SETD9: variants seen among roughly 807,000 people sequenced by gnomAD.
The protein encoded by SETD9 is SET domain-containing protein 9.
A neutral mutation model predicts 36.4 loss-of-function variants in SETD9; 37 were observed. That is an observed-to-expected ratio of 1.02 (90% confidence interval 0.78 to 1.34). The LOEUF (loss-of-function observed/expected upper bound fraction) is 1.34, where lower values mean the gene tolerates loss of function less well. Among genes scored for constraint, SETD9 ranks in the 40% most tolerant of loss-of-function variants. SETD9 has a pLI of 0.00. For missense variants in SETD9, 323 were observed against 353.2 expected (o/e 0.91, Z 0.69); for synonymous variants, 128 against 132.9 (o/e 0.96, Z 0.26).
rs1748996828 is a variant in SETD9, at chr5:56,909,726, C to CCACAA, written c.82_83insACAAC (p.Leu28HisfsTer3). 6.2e-7 allele frequency: 1 copy of CCACAA among 1,610,898 alleles called. No individual in the cohort carries two copies. The highest frequency in any genetic ancestry group is 1.7e-5 in the Admixed American group (1 of 59,906). ...GCTTCGTTCCCTGGATCGCACTGAACCTAAGCCACAACCCGAGGTGAGAGG... is the reference window on the plus strand; with the variant it reads ...GCTTCGTTCCCTGGATCGCACTGAACCACAACTAAGCCACAACCCGAGGTGAGAGG... On this transcript the variant is annotated frameshift_variant, in exon 1 of 6. Coordinates refer to ENST00000285947, the MANE Select transcript of SETD9 (RefSeq NM_153706.4). LOFTEE classifies it high-confidence loss of function.
chr5:56,916,653 T>TG lies in SETD9; in HGVS notation c.813-161dup, dbSNP rs1348846241. 2.6e-5 allele frequency among the ~76,000 whole-genome samples: 4 copies of TG among 152,302 alleles called. No homozygotes were observed. The East Asian group carries it at 5.8e-4, about 22-fold the overall frequency. ...ATATAGATATACTCTTTAGAATACC[T>TG]GCATCAGGAATAAGAACTATTTCCT... On this transcript the variant is annotated intron_variant, in intron 5 of 5. Coordinates refer to ENST00000285947, the MANE Select transcript of SETD9 (RefSeq NM_153706.4).
downstream of SETD9, among the ~76,000 whole-genome samples, chr5:56,918,437 C>CACCA (rs962202871): frequency 6.6e-6 from 1 of 152,104 alleles, no homozygotes; most frequent in African/African-American, 2.4e-5. Context: ...TAGCACTTAC[C>CACCA]ACCAGCAAGC....
downstream of SETD9, chr5:56,921,417 T>C (rs1749666889): frequency 6.6e-6 from 1 of 152,552 alleles, no homozygotes; most frequent in Non-Finnish European, 1.5e-5. Flanking sequence ...AGGAATGCTA[T>C]ACTTCAGATG....
downstream of SETD9, among the ~76,000 whole-genome samples, chr5:56,918,995 A>AAAT (rs537960977): frequency 5.9e-5 from 9 of 152,346 alleles, no homozygotes; most frequent in South Asian, 6.2e-4. Flanking sequence ...GTAGTCTGTC[A>AAAT]AATAATAATA....
chr5:56,916,634 A>G (rs1749441765), intron 5 of SETD9, among the ~76,000 whole-genome samples, 181 bp from the exon 6 acceptor site: 2 of 152,148 alleles, frequency 1.3e-5, no homozygotes, highest in African/African-American at 2.4e-5. Flanking sequence ...AATGATATAG[A>G]TATACTCTTT....
chr5:56,914,032 G>A (rs1285743986), intron 4 of SETD9, 43 bp downstream of exon 4: 2 of 1,393,358 alleles, frequency 1.4e-6, no homozygotes. Context: ...TATATCAATG[G>A]CTAATTCTAC....
intron 5 of SETD9, among the ~76,000 whole-genome samples, chr5:56,916,015 G>A (rs1749406595): frequency 1.3e-5 from 2 of 152,166 alleles, no homozygotes; most frequent in South Asian, 4.1e-4. Context: ...TTCTCTGCAT[G>A]TGTATGTTTG....
At chr5:56,916,122 G>T (rs1230509403) in intron 5 of SETD9, among the ~76,000 whole-genome samples, 1 of 152,106 alleles carries the variant, frequency 6.6e-6, no homozygotes, top group East Asian at 1.9e-4. Context: ...GGCTGGGTGC[G>T]GTGGCTCATG....
At chr5:56,918,602 G>T (rs927841055), downstream of SETD9, among the ~76,000 whole-genome samples, 1 of 152,076 alleles carries the variant, frequency 6.6e-6, no homozygotes, top group Non-Finnish European at 1.5e-5. Flanking sequence ...GCTGTATTCG[G>T]AATATGTGTG....
rs933651453 is a variant in SETD9, at chr5:56,914,954, A to G, written c.800A>G (p.Tyr267Cys). ...TATCTTCCAAACATTGCCTACAGCT[A>G]TGACAAACAAAGGTTCGTTTGCTAA... ...KQYLPNIAYS[Y>C]DKQSPLRCVV... Residue 267 changes from tyrosine to cysteine, a missense_variant, in exon 5 of 6, where the codon TAT (tyrosine) becomes TGT (cysteine). Transcript: ENST00000285947. 4.4e-6 allele frequency: 7 copies of G among 1,585,720 alleles called. No homozygotes were observed. The highest frequency in any genetic ancestry group is 1.3e-5 in the African/African-American group (1 of 74,616).
At chr5:56,912,233 C>T (rs1022396455) in intron 2 of SETD9, 3 of 985,066 alleles carry the variant, frequency 3.0e-6, no homozygotes, top group African/African-American at 1.7e-5. Context: ...GAATGAAGAC[C>T]TTCCTGCCCT....
chr5:56,921,822 T>A (rs1273880316), downstream of SETD9: 2 of 152,652 alleles, frequency 1.3e-5, no homozygotes, highest in African/African-American at 4.8e-5. Context: ...AAGCAAAGAT[T>A]ACATCCTAAT....
intron 3 of SETD9, 51 bp from the exon 4 acceptor site, chr5:56,913,823 G>C: frequency 4.5e-6 from 5 of 1,117,836 alleles, no homozygotes; most frequent in Non-Finnish European, 6.7e-6. Flanking sequence ...TGTATTTTAG[G>C]ATTCTATTTT....
chr5:56,911,296 T>G lies in SETD9; in HGVS notation c.226T>G (p.Ser76Ala), dbSNP rs2257505. ...NDFNKQSEIL[S>A]MLPESVKSKY... ...TTTCAATAAACAATCAGAAATCTTG[T>G]CTATGCTTCCAGAATCTGTTAAATC... Residue 76 changes from serine to alanine, a missense_variant, in exon 2 of 6, where the codon TCT becomes GCT. Transcript: ENST00000285947. 4 of 1,612,396 alleles carry G rather than the reference T, an allele frequency of 2.5e-6. No individual in the cohort carries two copies. The South Asian group carries it at 4.4e-5, about 18-fold the overall frequency.
At chr5:56,910,169 C>A (rs1001724623) in intron 1 of SETD9, 6 of 1,231,050 alleles carry the variant, frequency 4.9e-6, no homozygotes, top group Non-Finnish European at 5.2e-6. Flanking sequence ...AAAAAGACTG[C>A]CCTTACCGCG....
At chr5:56,910,535 G>A in intron 1 of SETD9, 1 of 543,122 alleles carries the variant, frequency 1.8e-6, no homozygotes, top group Non-Finnish European at 2.9e-6. Flanking sequence ...GCATGCTAGG[G>A]AAACAGGAGA....
chr5:56,914,360 C>T (rs60048929), intron 4 of SETD9, among the ~76,000 whole-genome samples: 8,932 of 152,080 alleles, frequency 0.059, 890 homozygotes, highest in African/African-American at 0.2. Context: ...TTGTGAGTCC[C>T]TATCTATATC....
chr5:56,915,901 G>A (rs1749400686), intron 5 of SETD9, among the ~76,000 whole-genome samples: 1 of 152,110 alleles, frequency 6.6e-6, no homozygotes, highest in South Asian at 2.1e-4. Flanking sequence ...GGTGTATGTT[G>A]CATTGAGCTG....
At chr5:56,924,194 C>A (rs1335458802) in intron 5 of SETD9, 9 of 749,314 alleles carry the variant, frequency 1.2e-5, no homozygotes, top group Non-Finnish European at 1.8e-5. Flanking sequence ...AAGTTCTGAA[C>A]ACTTTGATTA....
Sources: gnomAD v4.1 joint callset for allele counts (sites outside exome capture counted in the v4.1 genomes callset) on GRCh38, gnomAD v4.1.1 for gene constraint, MANE v1.5 for transcripts, NCBI Gene and HGNC (gene_info 2026-07-23, HGNC 2026-07-21) for gene names.